Variants in FAM168A observed in about 807,000 individuals in gnomAD.
FAM168A encodes the protein protein FAM168A.
A neutral mutation model predicts 28.5 loss-of-function variants in FAM168A; 3 were observed. That is an observed-to-expected ratio of 0.11 (90% CI 0.05 to 0.27). The LOEUF is 0.27. Ranked by LOEUF, FAM168A falls within the 10% of genes least tolerant of loss-of-function variation. The pLI, the probability that FAM168A is intolerant of heterozygous loss-of-function variation, is 1.00. For synonymous variants in FAM168A, 122 were observed against 124.2 expected (o/e 0.98, Z 0.12); for missense variants, 222 against 311.5 (o/e 0.71, Z 2.16).
intron 6 of FAM168A, 115 bp downstream of exon 6, chr11:73,409,372 C>G: frequency 1.5e-6 from 2 of 1,360,860 alleles, no homozygotes; most frequent in Non-Finnish European, 2.0e-6. Flanking sequence ...GTTCCCAAGC[C>G]CCCTGGCACA....
intron 1 of FAM168A, among the ~76,000 whole-genome samples, chr11:73,566,319 G>C (rs965120926): frequency 1.3e-5 from 2 of 152,304 alleles, no homozygotes; most frequent in African/African-American, 2.4e-5. Context: ...TCAAGGGGAT[G>C]CATTTTTTTC....
rs765744196 is a variant in FAM168A, at chr11:73,468,489, G to T, written c.-15C>A. The T allele has an allele frequency of 6.2e-7, 1 of 1,612,760 alleles. No individual in the cohort carries two copies. The highest frequency in any genetic ancestry group is 1.3e-5 in the African/African-American group (1 of 74,870). On this transcript the variant is annotated 5_prime_UTR_variant, in exon 2 of 8. Coordinates refer to ENST00000356467, the MANE Select transcript of FAM168A (RefSeq NM_015159.3). Reference sequence around the variant, plus strand: ...ACAGGGTTCATTGTGGAAGACTGAGGATCCTACAGAGAAAACAAAGAAAAC... The same window carrying T: ...ACAGGGTTCATTGTGGAAGACTGAGTATCCTACAGAGAAAACAAAGAAAAC...
At chr11:73,506,566 C>T (rs1162712125) in intron 1 of FAM168A, among the ~76,000 whole-genome samples, 1 of 152,286 alleles carries the variant, frequency 6.6e-6, no homozygotes, top group East Asian at 1.9e-4. Flanking sequence ...AGATTCTGGT[C>T]CTCCTCTACA....
intron 3 of FAM168A, chr11:73,424,965 T>C: frequency 7.1e-7 from 1 of 1,399,292 alleles, no homozygotes; most frequent in Non-Finnish European, 9.6e-7. Flanking sequence ...TCTACCATTG[T>C]TACGAGAGAA....
At chr11:73,529,826 T>C (rs922246022) in intron 1 of FAM168A, among the ~76,000 whole-genome samples, 1 of 133,010 alleles carries the variant, frequency 7.5e-6, no homozygotes, top group African/African-American at 3.5e-5. Flanking sequence ...GACGCAGTCT[T>C]GCTCTGTTGA....
At position 73,407,516 on chromosome 11, in the gene FAM168A, G is replaced by C; in HGVS notation, c.*15C>G. On this transcript the variant is annotated 3_prime_UTR_variant, in exon 7 of 8. Coordinates refer to ENST00000356467, the MANE Select transcript of FAM168A (RefSeq NM_015159.3). ...CTCTCACCCTGGCCACACTCACTTG[G>C]ATGGGCTGCAGGCTTTACCAGTGTG... The C allele has an allele frequency of 6.4e-7, 1 of 1,554,154 alleles. No individual in the cohort carries two copies. The highest frequency in any genetic ancestry group is 8.6e-7 in the Non-Finnish European group (1 of 1,156,740).
rs192293943 is a variant in FAM168A, at chr11:73,565,505, T to A, written c.-19+32418A>T. ...TACTAATTGTGTGACCCTGAGCAAG[T>A]CACTTTTCTGACCCTCAATTTCCTC... On this transcript the variant is annotated intron_variant, in intron 1 of 7. Transcript: ENST00000356467. 2.6e-3 allele frequency among the ~76,000 whole-genome samples: 397 copies of A among 152,272 alleles called. 1 individual carries two copies. Among genetic ancestry groups the A allele is most frequent in the Non-Finnish European group, 3.1e-3 (210 of 68,028 alleles).
rs76033862 is a variant in FAM168A, at chr11:73,443,143, T to C, written c.71-12373A>G. On this transcript the variant is annotated intron_variant, in intron 2 of 7. Coordinates refer to ENST00000356467, the MANE Select transcript of FAM168A (RefSeq NM_015159.3). ...AAAGCCTGTATCCTACAACCTTTCT[T>C]AGCCCTTTCCCAGTGCTATAATTAG... Among the ~76,000 whole-genome samples, 870 of 151,842 alleles carry C rather than the reference T, an allele frequency of 5.7e-3. 3 individuals carry two copies. Among genetic ancestry groups the C allele is most frequent in the African/African-American group, 0.02 (831 of 41,434 alleles).
Position 73,496,661 on chromosome 11 carries a change from C to G in FAM168A, c.-18-28169G>C, listed in dbSNP as rs144361780. ...CTGCAAGCTCCGCCTCCCGCGTTCA[C>G]GCCATTCTCCTGCCTCAGCCTCCCG... On this transcript the variant is annotated intron_variant, in intron 1 of 7. Transcript: ENST00000356467. Among the ~76,000 whole-genome samples the G allele has an allele frequency of 9.8e-3, 1,494 of 152,224 alleles. 29 individuals carry two copies. The highest frequency in any genetic ancestry group is 0.034 in the African/African-American group (1,394 of 41,530).
At chr11:73,526,848 G>A (rs1172833821) in intron 1 of FAM168A, among the ~76,000 whole-genome samples, 2 of 112,776 alleles carry the variant, frequency 1.8e-5, no homozygotes, top group Non-Finnish European at 3.3e-5. Context: ...CCAGCCTAGC[G>A]ACAGAGCAAG....
intron 2 of FAM168A, among the ~76,000 whole-genome samples, chr11:73,445,130 A>T (rs1324528533): frequency 6.6e-6 from 1 of 152,028 alleles, no homozygotes; most frequent in African/African-American, 2.4e-5. Flanking sequence ...GTGGTGGTGC[A>T]TCCCTGTAAT....
chr11:73,421,992 A>G (rs1352686279), intron 3 of FAM168A, among the ~76,000 whole-genome samples: 1 of 152,256 alleles, frequency 6.6e-6, no homozygotes, highest in African/African-American at 2.4e-5. Context: ...AATTAAACTA[A>G]CTTATTCTTT....
chr11:73,512,007 T>A (rs1269120254), intron 1 of FAM168A, among the ~76,000 whole-genome samples: 1 of 152,176 alleles, frequency 6.6e-6, no homozygotes, highest in African/African-American at 2.4e-5. Flanking sequence ...TGCGAACAGC[T>A]TGCAAACAGG....
rs1417603322 is a variant in FAM168A, at chr11:73,492,770, T to C, written c.-18-24278A>G. ...TTGCCCTTAGAAGCAGATAGTCTAA[T>C]AGCAAAAATGTGACTCAAATACTCA... On this transcript the variant is annotated intron_variant, in intron 1 of 7. Transcript: ENST00000356467. 3.9e-5 allele frequency among the ~76,000 whole-genome samples: 6 copies of C among 152,184 alleles called. No individual in the cohort carries two copies. The South Asian group carries it at 1.2e-3, about 32-fold the overall frequency.
chr11:73,410,073 T>C (rs1866580834), intron 5 of FAM168A, among the ~76,000 whole-genome samples: 1 of 151,720 alleles, frequency 6.6e-6, no homozygotes, highest in South Asian at 2.1e-4. Context: ...AGTATCATAA[T>C]GGTGTAAGTG....
In FAM168A at chr11:73,439,925, G is replaced by A. The variant is rs1395143859; in HGVS notation, c.71-9155C>T. Reference sequence around the variant, plus strand: ...TTTGAGTCGGAGTTTTGCTCTTGTCGCCCAAGCTGGAGTGCAATGGTGTGA... The same window carrying A: ...TTTGAGTCGGAGTTTTGCTCTTGTCACCCAAGCTGGAGTGCAATGGTGTGA... On this transcript the variant is annotated intron_variant, in intron 2 of 7. Transcript: ENST00000356467. Among the ~76,000 whole-genome samples the A allele has an allele frequency of 1.2e-4, 15 of 124,452 alleles. No individual in the cohort carries two copies. The Admixed American group carries it at 1.4e-3, about 12-fold the overall frequency. 81.6% of individuals were successfully genotyped at this position (124,452 alleles called of 152,430 possible). A position where few individuals can be genotyped will look rare whatever the true frequency, so the allele number is the denominator to read the frequency against.
intron 2 of FAM168A, among the ~76,000 whole-genome samples, chr11:73,460,499 C>T (rs199862742): frequency 0.015 from 1,701 of 112,854 alleles, 34 homozygotes; most frequent in African/African-American, 0.047. Flanking sequence ...GCTACTAATG[C>T]TTTTTTTTTT....
intron 1 of FAM168A, among the ~76,000 whole-genome samples, chr11:73,486,035 C>T (rs1868048623): frequency 6.6e-6 from 1 of 152,118 alleles, no homozygotes; most frequent in African/African-American, 2.4e-5. Context: ...GAATCAGCTT[C>T]CTTATTTATT....
chr11:73,474,080 G>A (rs1228143183), intron 1 of FAM168A, among the ~76,000 whole-genome samples: 1 of 152,004 alleles, frequency 6.6e-6, no homozygotes, highest in Admixed American at 6.5e-5. Flanking sequence ...AAAGTGCTGA[G>A]ATTACAGACA....
Sources: allele counts gnomAD v4.1 joint callset (sites outside exome capture counted in the v4.1 genomes callset), GRCh38; gene constraint gnomAD v4.1.1; transcripts MANE v1.5; gene names NCBI Gene and HGNC (gene_info 2026-07-23, HGNC 2026-07-21).